PTDSS1: variants seen among roughly 807,000 people sequenced by gnomAD.
PTDSS1 encodes the protein phosphatidylserine synthase 1.
In PTDSS1, 45 loss-of-function variants were observed where a neutral mutation model predicts 70.5. The observed-to-expected ratio is 0.64, with a 90% CI of 0.50 to 0.82. The LOEUF is 0.82. PTDSS1 is among the 40% of genes least tolerant of loss of function. PTDSS1 has a pLI of 0.00. For synonymous variants in PTDSS1, 188 were observed against 203.8 expected (o/e 0.92, Z 0.66); for missense variants, 417 against 586.1 (o/e 0.71, Z 2.98).
rs373375792 is a variant in PTDSS1, at chr8:96,294,659, A to G, written c.442-439A>G. 4.6e-5 allele frequency among the ~76,000 whole-genome samples: 7 copies of G among 152,144 alleles called. No homozygotes were observed. In the East Asian group the frequency reaches 1.2e-3, roughly 25 times the overall value. On this transcript the variant is annotated intron_variant, in intron 4 of 12. Coordinates refer to ENST00000517309, the MANE Select transcript of PTDSS1 (RefSeq NM_014754.3). Reference sequence around the variant, plus strand: ...TACGTGGTGTATTTTCGTTATCATTATGACACGTTAAAAAAAATTCCTATT... The same window carrying G: ...TACGTGGTGTATTTTCGTTATCATTGTGACACGTTAAAAAAAATTCCTATT...
At position 96,336,790 on chromosome 8, in the gene PTDSS1, G is replaced by A. The variant is rs1439028730; in HGVS notation, c.*3224G>A. 1 of 151,866 alleles carries A rather than the reference G, an allele frequency of 6.6e-6. No homozygotes were observed. Among genetic ancestry groups the A allele is most frequent in the Non-Finnish European group, 1.5e-5 (1 of 68,068 alleles). The allele number at this position is 151,866 out of a possible 1,614,324, so 9.4% of individuals were successfully genotyped here. Reference sequence around the variant, plus strand: ...GTGGGTGGATCGCCTGAGGTCAGGAGTTTGAGACCAGCCTGACCAATATGG... The same window carrying A: ...GTGGGTGGATCGCCTGAGGTCAGGAATTTGAGACCAGCCTGACCAATATGG... On this transcript the variant is annotated 3_prime_UTR_variant, in exon 13 of 13. Transcript: ENST00000517309.
intron 1 of PTDSS1, among the ~76,000 whole-genome samples, chr8:96,265,912 C>CA (rs1430988572): frequency 1.3e-5 from 2 of 152,236 alleles, no homozygotes; most frequent in Admixed American, 6.5e-5. Flanking sequence ...GCTAACATAG[C>CA]AAGACCCCAT....
chr8:96,293,950 C>CGT (rs1467515365), intron 4 of PTDSS1, among the ~76,000 whole-genome samples: 1 of 152,198 alleles, frequency 6.6e-6, no homozygotes, highest in Non-Finnish European at 1.5e-5. Flanking sequence ...GTGACAAGAA[C>CGT]GTGCTGTTCC....
At position 96,262,163 on chromosome 8, in the gene PTDSS1, T is replaced by C. The variant is rs756114333; in HGVS notation, c.123T>C (p.His41=). Residue 41 remains histidine, a synonymous_variant, in exon 1 of 13, where the codon CAT becomes CAC. Coordinates refer to ENST00000517309, the MANE Select transcript of PTDSS1 (RefSeq NM_014754.3). This position sits in a 1 kb window ranked among gnomAD's most constrained non-coding sequence, Gnocchi z 4.4. ...CCATTGACTTCTTCTACCGGCCGCA[T>C]ACCATCACCCTGCTCAGCTTCACCA... ...DITIDFFYRP[H]TITLLSFTIV... 3.7e-6 allele frequency: 6 copies of C among 1,613,422 alleles called. No homozygotes were observed. In the African/African-American group the frequency reaches 4.0e-5, roughly 11 times the overall value.
intron 10 of PTDSS1, among the ~76,000 whole-genome samples, chr8:96,328,964 G>A (rs371546939): frequency 9.9e-5 from 15 of 152,124 alleles, no homozygotes; most frequent in African/African-American, 2.4e-4. Context: ...ACCCAGATCC[G>A]GGGGTTTCAA....
At position 96,333,878 on chromosome 8, in the gene PTDSS1, C is replaced by T. The variant is rs1811557319; in HGVS notation, c.*312C>T. On this transcript the variant is annotated 3_prime_UTR_variant, in exon 13 of 13. Coordinates refer to ENST00000517309, the MANE Select transcript of PTDSS1 (RefSeq NM_014754.3). Reference sequence around the variant, plus strand: ...ATTCATTCACAGTTGCCAAGAGCAGCTCCGCGCCTGCTGGATCGTGGATGC... The same window carrying T: ...ATTCATTCACAGTTGCCAAGAGCAGTTCCGCGCCTGCTGGATCGTGGATGC... 1 of 623,742 alleles carries T rather than the reference C, an allele frequency of 1.6e-6. No individual in the cohort carries two copies. Among genetic ancestry groups the T allele is most frequent in the Admixed American group, 2.6e-5 (1 of 38,244 alleles). The allele number at this position is 623,742 out of a possible 1,614,324, so 38.6% of individuals were successfully genotyped here.
rs1810831119 is a variant in PTDSS1, at chr8:96,286,950, A to T, written c.317-72A>T. 2 of 1,573,062 alleles carry T rather than the reference A, an allele frequency of 1.3e-6. 1 individual carries two copies. The highest frequency in any genetic ancestry group is 4.5e-5 in the East Asian group (2 of 44,572). ...TGTCTGGTTTTGGCAATGCCATTCGAGTCTAATGTGTATTGTGTGTGTCTG... is the reference window on the plus strand; with the variant it reads ...TGTCTGGTTTTGGCAATGCCATTCGTGTCTAATGTGTATTGTGTGTGTCTG... On this transcript the variant is annotated intron_variant, in intron 3 of 12. Transcript: ENST00000517309.
chr8:96,329,834 C>A (rs549246550), intron 10 of PTDSS1, among the ~76,000 whole-genome samples: 1 of 152,310 alleles, frequency 6.6e-6, no homozygotes, highest in Admixed American at 6.5e-5. Flanking sequence ...TAGCGCTCTC[C>A]TGTGATGGGG....
At position 96,335,336 on chromosome 8, in the gene PTDSS1, T is replaced by G. The variant is rs956351327; in HGVS notation, c.*1770T>G. 6.6e-6 allele frequency: 1 copy of G among 152,250 alleles called. No individual in the cohort carries two copies. Among genetic ancestry groups the G allele is most frequent in the Admixed American group, 6.5e-5 (1 of 15,288 alleles). 9.4% of individuals were successfully genotyped at this position (152,250 alleles called of 1,614,324 possible). Reference sequence around the variant, plus strand: ...GTTTTGTTTCATCCTGTGTTCTGCTTTTCTAAGCATGACATACTTGTGCCC... The same window carrying G: ...GTTTTGTTTCATCCTGTGTTCTGCTGTTCTAAGCATGACATACTTGTGCCC... On this transcript the variant is annotated 3_prime_UTR_variant, in exon 13 of 13. Coordinates refer to ENST00000517309, the MANE Select transcript of PTDSS1 (RefSeq NM_014754.3).
intron 2 of PTDSS1, among the ~76,000 whole-genome samples, chr8:96,279,668 A>AATTAGCC (rs1327593687): frequency 2.2e-4 from 33 of 152,022 alleles, no homozygotes; most frequent in Non-Finnish European, 2.9e-4. Flanking sequence ...AAAATACAAA[A>AATTAGCC]ATTAGCCAGG....
intron 9 of PTDSS1, among the ~76,000 whole-genome samples, chr8:96,315,666 C>G (rs960105118): frequency 4.6e-5 from 7 of 152,162 alleles, no homozygotes; most frequent in African/African-American, 1.7e-4. Flanking sequence ...AGCCCTAGGT[C>G]AGGAATCTCT....
intron 9 of PTDSS1, among the ~76,000 whole-genome samples, chr8:96,312,189 G>A (rs769646543): frequency 3.9e-5 from 6 of 152,210 alleles, no homozygotes; most frequent in Admixed American, 1.3e-4. Flanking sequence ...GGCGGCTCAC[G>A]CCTGTAATCT....
rs554288401 is a variant in PTDSS1, at chr8:96,285,522, T to C, written c.316+1369T>C. The stretch of plus-strand genomic sequence containing the variant: ...CTGGCTATAACGTGCATACCTCCCA[T>C]TGATTCAATAGTGCTGTTTGAAGTT... On this transcript the variant is annotated intron_variant, in intron 3 of 12. Transcript: ENST00000517309. Among the ~76,000 whole-genome samples, 14 of 152,350 alleles carry C rather than the reference T, an allele frequency of 9.2e-5. No individual in the cohort carries two copies. The South Asian group carries it at 2.7e-3, about 29-fold the overall frequency.
chr8:96,309,193 G>GTTTTTTTT (rs58317308), intron 8 of PTDSS1: 1 of 56,906 alleles, frequency 1.8e-5, no homozygotes, highest in Non-Finnish European at 2.9e-5. Context: ...CTTTTTAGTG[G>GTTTTTTTT]TTTTTTTTTT....
intron 2 of PTDSS1, chr8:96,283,656 C>G: frequency 6.3e-6 from 1 of 158,834 alleles, no homozygotes. Flanking sequence ...CACACACGTA[C>G]ACACACGCAT....
intron 8 of PTDSS1, 27 bp from the exon 9 acceptor site, chr8:96,309,530 C>G: frequency 6.2e-7 from 1 of 1,607,090 alleles, no homozygotes; most frequent in Non-Finnish European, 8.5e-7. Context: ...CAGCAGCTCT[C>G]AATGAATTCC....
intron 9 of PTDSS1, 38 bp from the exon 10 acceptor site, chr8:96,320,208 A>G: frequency 2.7e-6 from 4 of 1,505,154 alleles, no homozygotes; most frequent in Non-Finnish European, 3.7e-6. Flanking sequence ...CTCTGGTAAG[A>G]TGGATTAATA....
At chr8:96,330,818 T>G in intron 11 of PTDSS1, 1 of 549,680 alleles carries the variant, frequency 1.8e-6, no homozygotes, top group Non-Finnish European at 3.2e-6. Flanking sequence ...ACTTAAGGCA[T>G]GTTGTGGAAG....
intron 2 of PTDSS1, among the ~76,000 whole-genome samples, chr8:96,276,241 G>A (rs1481762102): frequency 6.6e-6 from 1 of 152,194 alleles, no homozygotes; most frequent in African/African-American, 2.4e-5. Context: ...GAGTATTGGG[G>A]CTTCATTAGC....
Sources: gnomAD v4.1 joint callset for allele counts (sites outside exome capture counted in the v4.1 genomes callset) on GRCh38, gnomAD v4.1.1 for gene constraint, Gnocchi (gnomAD v3.1) non-coding constraint, MANE v1.5 for transcripts, NCBI Gene and HGNC (gene_info 2026-07-23, HGNC 2026-07-21) for gene names.